CCDC57: variants seen among roughly 807,000 people sequenced by gnomAD.
CCDC57 encodes the protein coiled-coil domain-containing protein 57.
A neutral mutation model predicts 118.9 loss-of-function variants in CCDC57; 118 were observed. The ratio of observed to expected loss-of-function variants is 0.99; its 90% CI spans 0.86 to 1.16. The LOEUF is 1.16. Among genes scored for constraint, CCDC57 ranks in the 50% most tolerant of loss-of-function variants. CCDC57 has a pLI of 0.00. For missense variants in CCDC57, 1,300 were observed against 1,320.7 expected (o/e 0.98, Z 0.24); for synonymous variants, 527 against 532.9 (o/e 0.99, Z 0.15).
chr17:82,176,622 C>A (rs2045537480), intron 11 of CCDC57, among the ~76,000 whole-genome samples: 2 of 152,096 alleles, frequency 1.3e-5, no homozygotes, highest in Admixed American at 6.5e-5. Flanking sequence ...CAGCGTGGGC[C>A]CCCTGGACCC....
chr17:82,110,858 C>A (rs2035190781), intron 19 of CCDC57, among the ~76,000 whole-genome samples: 1 of 151,806 alleles, frequency 6.6e-6, no homozygotes, highest in Non-Finnish European at 1.5e-5. Context: ...AACCCTGTTT[C>A]TATTAATAAT....
chr17:82,173,874 G>A (rs998797425), intron 11 of CCDC57, among the ~76,000 whole-genome samples: 1 of 152,172 alleles, frequency 6.6e-6, no homozygotes, highest in African/African-American at 2.4e-5. Context: ...TAGGGAGAGG[G>A]AGTGTCCTTC....
intron 19 of CCDC57, among the ~76,000 whole-genome samples, chr17:82,103,583 T>C (rs2034622636): frequency 6.6e-6 from 1 of 152,258 alleles, no homozygotes; most frequent in African/African-American, 2.4e-5. Flanking sequence ...ACTGTGACCC[T>C]GAGGCATCTC....
At chr17:82,160,734 C>T (rs11077975) in intron 14 of CCDC57, among the ~76,000 whole-genome samples, 71,015 of 151,676 alleles carry the variant, frequency 0.47, 17,433 homozygotes, top group East Asian at 0.88. Flanking sequence ...AATTAGCAGG[C>T]GTGGTGGCTC....
chr17:82,102,741 C>T (rs1342012324), intron 19 of CCDC57, among the ~76,000 whole-genome samples: 7 of 152,120 alleles, frequency 4.6e-5, no homozygotes, highest in South Asian at 4.2e-4. Flanking sequence ...AAAAATTAGC[C>T]GGGCACGGTG....
intron 14 of CCDC57, 138 bp from the exon 14 acceptor site, chr17:82,158,086 T>C (rs2145978554): frequency 6.9e-7 from 1 of 1,440,532 alleles, no homozygotes; most frequent in South Asian, 1.5e-5. Flanking sequence ...CCCAGCTGGA[T>C]GCAACTGCCC....
intron 13 of CCDC57, among the ~76,000 whole-genome samples, chr17:82,167,279 C>A (rs1048734182): frequency 6.6e-6 from 1 of 150,692 alleles, no homozygotes; most frequent in African/African-American, 2.4e-5. Flanking sequence ...AGATCAATAT[C>A]AAAAAGAATA....
chr17:82,180,800 T>TA (rs1165860599), intron 9 of CCDC57, among the ~76,000 whole-genome samples: 1 of 152,232 alleles, frequency 6.6e-6, no homozygotes, highest in Non-Finnish European at 1.5e-5. Context: ...TAAATCCCTG[T>TA]AACTGCAAAA....
Position 82,179,008 on chromosome 17 carries a change from C to G in CCDC57, c.1374+19G>C. On this transcript the variant is annotated intron_variant, in intron 10 of 19. Transcript: ENST00000665763. ...GCAGAGACGCCGAGAAGGCCCCAGG[C>G]CCTGGTGGCCGCACACACCTGACTT... 6.2e-7 allele frequency: 1 copy of G among 1,610,620 alleles called. No homozygotes were observed. The highest frequency in any genetic ancestry group is 8.5e-7 in the Non-Finnish European group (1 of 1,178,102).
At chr17:82,115,318 G>A (rs1218143145) in intron 19 of CCDC57, among the ~76,000 whole-genome samples, 2 of 146,400 alleles carry the variant, frequency 1.4e-5, no homozygotes, top group East Asian at 1.9e-4. Context: ...AAGAGGGGGC[G>A]GCTTTTGTCC....
At chr17:82,126,228 T>C in intron 19 of CCDC57, 1 of 292,464 alleles carries the variant, frequency 3.4e-6, no homozygotes, top group African/African-American at 2.3e-5. Context: ...TGCAGTGAGC[T>C]GAGATTGCGC....
At chr17:82,109,475 G>A (rs1167315252) in intron 19 of CCDC57, among the ~76,000 whole-genome samples, 2 of 152,226 alleles carry the variant, frequency 1.3e-5, no homozygotes, top group African/African-American at 2.4e-5. Flanking sequence ...ATAATATGGA[G>A]ATTAAGTTCC....
intron 14 of CCDC57, among the ~76,000 whole-genome samples, chr17:82,159,564 A>G (rs1599023396): frequency 6.6e-6 from 1 of 152,356 alleles, no homozygotes; most frequent in East Asian, 1.9e-4. Context: ...AATGAGAGGT[A>G]TGAGGGTAAC....
intron 16 of CCDC57, among the ~76,000 whole-genome samples, chr17:82,150,428 C>A (rs1351307884): frequency 2.0e-5 from 3 of 148,394 alleles, no homozygotes; most frequent in Non-Finnish European, 4.5e-5. Context: ...ACCTGACCCG[C>A]ACCTAGAACC....
At chr17:82,137,612 AT>A (rs925695067) in intron 16 of CCDC57, among the ~76,000 whole-genome samples, 41 of 149,026 alleles carry the variant, frequency 2.8e-4, no homozygotes, top group Admixed American at 2.0e-3. Context: ...ATCTCCTGAC[AT>A]TTTTTTTTCC....
chr17:82,200,096 A>G (rs1176001812), intron 3 of CCDC57, among the ~76,000 whole-genome samples: 1 of 152,088 alleles, frequency 6.6e-6, no homozygotes, highest in Admixed American at 6.5e-5. Flanking sequence ...ACACCCACCA[A>G]TGTGGGTCTC....
At chr17:82,176,054 A>C (rs1006820493) in intron 11 of CCDC57, among the ~76,000 whole-genome samples, 19 of 152,164 alleles carry the variant, frequency 1.2e-4, no homozygotes, top group African/African-American at 1.9e-4. Context: ...TGTCTGACAT[A>C]ATGTAAAAGA....
At chr17:82,121,392 C>T (rs2036656959) in intron 19 of CCDC57, among the ~76,000 whole-genome samples, 1 of 152,174 alleles carries the variant, frequency 6.6e-6, no homozygotes, top group African/African-American at 2.4e-5. Flanking sequence ...GCAGCAGGCT[C>T]TCGAGGACAT....
intron 7 of CCDC57, among the ~76,000 whole-genome samples, chr17:82,190,689 C>T (rs1568430566): frequency 7.9e-6 from 1 of 127,124 alleles, no homozygotes. Context: ...GAGCGAGACT[C>T]TGTCTCAAAA....
Sources: gnomAD v4.1 joint callset for allele counts (sites outside exome capture counted in the v4.1 genomes callset) on GRCh38, gnomAD v4.1.1 for gene constraint, MANE v1.5 for transcripts, NCBI Gene and HGNC (gene_info 2026-07-23, HGNC 2026-07-21) for gene names.